SALL4: variants seen among roughly 807,000 people sequenced by gnomAD.
The protein encoded by SALL4 is sal-like protein 4.
SALL4 carries 4 observed loss-of-function variants against 60.8 expected under a neutral mutation model. That is an observed-to-expected ratio of 0.07 (90% CI 0.03 to 0.15). The LOEUF is 0.15. SALL4 is among the 10% of genes least tolerant of loss of function. The pLI is 1.00. For missense variants in SALL4, 1,178 were observed against 1,394.7 expected (o/e 0.84, Z 2.48); for synonymous variants, 580 against 574.9 (o/e 1.01, Z -0.13).
intron 1 of SALL4, among the ~76,000 whole-genome samples, chr20:51,800,430 C>G (rs1319123910): frequency 1.3e-5 from 2 of 152,232 alleles, no homozygotes; most frequent in Non-Finnish European, 2.9e-5. Flanking sequence ...CAGCGCACGG[C>G]CAGGCCCGAG....
chr20:51,799,371 T>A (rs1013188840), intron 1 of SALL4, among the ~76,000 whole-genome samples: 2 of 152,238 alleles, frequency 1.3e-5, no homozygotes, highest in Admixed American at 6.5e-5. Flanking sequence ...GATCCCATTC[T>A]AAAACCTGAC....
rs773547370 is a variant in SALL4, at chr20:51,784,258, T to C, written c.*7A>G. On this transcript the variant is annotated 3_prime_UTR_variant, in exon 4 of 4. Transcript: ENST00000217086. ...GTCTGCATTGCTCCTTCCACGCAAGTTCTCCCTTAGCTGACCGCAATCTTG... is the reference window on the plus strand; with the variant it reads ...GTCTGCATTGCTCCTTCCACGCAAGCTCTCCCTTAGCTGACCGCAATCTTG... The C allele has an allele frequency of 1.1e-5, 17 of 1,613,312 alleles. No homozygotes were observed. In the Admixed American group the frequency reaches 1.3e-4, roughly 13 times the overall value.
rs1192768058 is a variant in SALL4 at position 51,791,754 on chromosome 20, G to A, written c.729C>T (p.Ala243=). The change falls in exon 2 of 4, where the codon GCC becomes GCT. Residue 243 remains alanine, a synonymous_variant. Transcript: ENST00000217086. This position sits in a 1 kb window ranked among gnomAD's most constrained non-coding sequence, Gnocchi z 4.6. ...CCCCGCTTGAGTGGAGGGCGTGGGA[G>A]GCCCACATGTTCACCTGGATGCGGA... ...EQIRIQVNMW[A]SHALHSSGAG... 5.1e-5 allele frequency: 83 copies of A among 1,614,120 alleles called. No homozygotes were observed. Among genetic ancestry groups the A allele is most frequent in the Middle Eastern group, 1.6e-4 (1 of 6,062 alleles).
chr20:51,793,461 GA>G (rs201509631), intron 1 of SALL4, among the ~76,000 whole-genome samples: 1 of 151,402 alleles, frequency 6.6e-6, no homozygotes, highest in African/African-American at 2.4e-5. Flanking sequence ...ACCCTGTCTG[GA>G]AAAAAAAAGT....
rs188445314 is a variant in SALL4, at chr20:51,782,906, A to G, written c.*1359T>C. 1.4e-4 allele frequency: 22 copies of G among 152,320 alleles called. No individual in the cohort carries two copies. Among genetic ancestry groups the G allele is most frequent in the African/African-American group, 5.1e-4 (21 of 41,574 alleles). 9.4% of individuals were successfully genotyped at this position (152,320 alleles called of 1,614,324 possible). A position where few individuals can be genotyped will look rare whatever the true frequency, so the allele number is the denominator to read the frequency against. On this transcript the variant is annotated 3_prime_UTR_variant, in exon 4 of 4. Coordinates refer to ENST00000217086, the MANE Select transcript of SALL4 (RefSeq NM_020436.5). Reference sequence around the variant, plus strand: ...ATAGGAAAATAGACACTATGGCTACAAAAAATAAAAAATAAATGAGGTAGA... The same window carrying G: ...ATAGGAAAATAGACACTATGGCTACGAAAAATAAAAAATAAATGAGGTAGA...
At position 51,784,053 on chromosome 20, in the gene SALL4, A is replaced by ATTT; in HGVS notation, c.*209_*211dup. 1.8e-6 allele frequency: 1 copy of ATTT among 546,198 alleles called. No homozygotes were observed. The highest frequency in any genetic ancestry group is 3.2e-5 in the Admixed American group (1 of 31,368). The allele number at this position is 546,198 out of a possible 1,614,324, so 33.8% of individuals were successfully genotyped here. ...AGAGTCTGTATTTGTTTTGGTATGC[A>ATTT]TTTTTTTTTTATTTTTTCAACTTTT... On this transcript the variant is annotated 3_prime_UTR_variant, in exon 4 of 4. Transcript: ENST00000217086.
At chr20:51,789,939 T>G (rs1428263354) in intron 2 of SALL4, 83 bp downstream of exon 2, 10 of 1,562,268 alleles carry the variant, frequency 6.4e-6, no homozygotes, top group Non-Finnish European at 8.8e-6. Context: ...AGTCATACTC[T>G]CCGTTTGTAA....
At position 51,792,142 on chromosome 20, in the gene SALL4, T is replaced by C; in HGVS notation, c.341A>G (p.Asp114Gly). ...GTGGCTCAGTACAGCTCCGGAGAAG[T>C]CTTCTGAAGGCACAGGCCCCTCGCT... is the stretch of plus-strand genomic sequence containing the variant. ...NDSEGPVPSEDFSGAVLSHQP... is the reference protein window; with the variant it reads ...NDSEGPVPSEGFSGAVLSHQP... Residue 114 changes from aspartate to glycine, a missense_variant, in exon 2 of 4, where the codon GAC becomes GGC. By Grantham distance (94) the Asp-to-Gly change is moderately conservative. Coordinates refer to ENST00000217086, the MANE Select transcript of SALL4 (RefSeq NM_020436.5). 6.2e-7 allele frequency: 1 copy of C among 1,614,118 alleles called. No homozygotes were observed. The highest frequency in any genetic ancestry group is 8.5e-7 in the Non-Finnish European group (1 of 1,180,018).
chr20:51,792,136 G>C lies in SALL4; in HGVS notation c.347C>G (p.Ser116Cys). 1.2e-6 allele frequency: 2 copies of C among 1,614,186 alleles called. No individual in the cohort carries two copies. Among genetic ancestry groups the C allele is most frequent in the Non-Finnish European group, 1.7e-6 (2 of 1,180,042 alleles). ...GGGCTGGTGGCTCAGTACAGCTCCG[G>C]AGAAGTCTTCTGAAGGCACAGGCCC... is the stretch of plus-strand genomic sequence containing the variant. ...SEGPVPSEDFSGAVLSHQPTS... is the reference protein window; with the variant it reads ...SEGPVPSEDFCGAVLSHQPTS... Residue 116 changes from serine to cysteine, a missense_variant, in exon 2 of 4, where the codon TCC (serine) becomes TGC (cysteine). Coordinates refer to ENST00000217086, the MANE Select transcript of SALL4 (RefSeq NM_020436.5).
rs758458189 is a variant in SALL4, at chr20:51,791,353, G to A, written c.1130C>T (p.Ala377Val). 6.2e-6 allele frequency: 10 copies of A among 1,614,042 alleles called. No homozygotes were observed. Among genetic ancestry groups the A allele is most frequent in the African/African-American group, 1.3e-5 (1 of 74,928 alleles). Reference protein sequence around the residue: ...SAVDVKPKDEAALYKHKCKYC... With the variant: ...SAVDVKPKDEVALYKHKCKYC... ...CTTACACTTGTGCTTGTAGAGGGCC[G>A]CCTCGTCTTTGGGTTTGACATCCAC... is the stretch of plus-strand genomic sequence containing the variant. Residue 377 changes from alanine (A) to valine (V), a missense_variant, in exon 2 of 4, where the codon GCG becomes GTG. Physicochemically the swap from Ala to Val is moderately conservative, Grantham distance 64. Around this residue, in one of 5 missense-constraint regions of SALL4, gnomAD observed 853 missense variants for 1,036.8 expected, o/e 0.82. Transcript: ENST00000217086. This position sits in a 1 kb window ranked among gnomAD's most constrained non-coding sequence, Gnocchi z 4.6.
At chr20:51,794,213 T>C (rs114937266) in intron 1 of SALL4, among the ~76,000 whole-genome samples, 44 of 152,340 alleles carry the variant, frequency 2.9e-4, no homozygotes, top group African/African-American at 9.6e-4. Flanking sequence ...ATGAGCCCCA[T>C]TATCTTCCTA....
rs1409707892 is a variant in SALL4, at chr20:51,784,229, CTG to C, written c.*34_*35del. 1 of 1,609,020 alleles carries C rather than the reference CTG, an allele frequency of 6.2e-7. No individual in the cohort carries two copies. The highest frequency in any genetic ancestry group is 1.3e-5 in the African/African-American group (1 of 74,804). Reference sequence around the variant, plus strand: ...AACAAAGCAGATTCTAGAGATTTCACTGTGTCTGCATTGCTCCTTCCACGCAA... The same window carrying C: ...AACAAAGCAGATTCTAGAGATTTCACTGTCTGCATTGCTCCTTCCACGCAA... On this transcript the variant is annotated 3_prime_UTR_variant, in exon 4 of 4. Coordinates refer to ENST00000217086, the MANE Select transcript of SALL4 (RefSeq NM_020436.5).
chr20:51,790,666 T>G lies in SALL4; in HGVS notation c.1817A>C (p.Lys606Thr). The G allele has an allele frequency of 6.2e-7, 1 of 1,614,126 alleles. No homozygotes were observed. Among genetic ancestry groups the G allele is most frequent in the Admixed American group, 1.7e-5 (1 of 60,014 alleles). ...CKICGRAFST[K>T]GNLKTHLGVH... Reference sequence around the variant, plus strand: ...CCCAAGGTGTGTCTTCAGGTTACCTTTGGTAGAAAAGGCTCGGCCACAGAT... The same window carrying G: ...CCCAAGGTGTGTCTTCAGGTTACCTGTGGTAGAAAAGGCTCGGCCACAGAT... The change falls in exon 2 of 4, where the codon AAA becomes ACA. Residue 606 changes from lysine to threonine, a missense_variant. Lys to Thr is a moderately conservative substitution (Grantham distance 78). This residue lies in a region of SALL4 where 853 missense variants were observed against 1,036.8 expected (regional missense o/e 0.82). Transcript: ENST00000217086. The surrounding 1 kb of genome is among the most constrained non-coding windows in gnomAD (Gnocchi z 5.5).
Position 51,784,375 on chromosome 20 carries a change from C to T in SALL4, c.3052G>A (p.Gly1018Ser). The T allele has an allele frequency of 6.2e-7, 1 of 1,614,210 alleles. No homozygotes were observed. The highest frequency in any genetic ancestry group is 1.1e-5 in the South Asian group (1 of 91,080). ...VNNATVSKMDGSQSGISADVE... is the reference protein window; with the variant it reads ...VNNATVSKMDSSQSGISADVE... ...TCTGCACTGATACCCGACTGGGAGC[C>T]ATCCATCTTGGAGACAGTGGCGTTA... The change falls in exon 4 of 4, where the codon GGC becomes AGC. Residue 1018 changes from glycine (G) to serine (S), a missense_variant. Physicochemically the swap from Gly to Ser is moderately conservative, Grantham distance 56. Coordinates refer to ENST00000217086, the MANE Select transcript of SALL4 (RefSeq NM_020436.5).
At position 51,782,798 on chromosome 20, in the gene SALL4, C is replaced by T. The variant is rs1288708098; in HGVS notation, c.*1467G>A. ...ACAAAAAAAAAAGGCATCACAAAAT[C>T]ATCTTGAACGTTCACCTCTTCCCAC... On this transcript the variant is annotated 3_prime_UTR_variant, in exon 4 of 4. Transcript: ENST00000217086. 3 of 151,104 alleles carry T rather than the reference C, an allele frequency of 2.0e-5. No individual in the cohort carries two copies. The highest frequency in any genetic ancestry group is 7.3e-5 in the African/African-American group (3 of 41,244). The allele number at this position is 151,104 out of a possible 1,614,324, so 9.4% of individuals were successfully genotyped here.
intron 3 of SALL4, among the ~76,000 whole-genome samples, chr20:51,787,666 T>TA (rs940451978): frequency 2.7e-5 from 4 of 150,722 alleles, no homozygotes; most frequent in Non-Finnish European, 4.4e-5. Context: ...CTTTTTTTTT[T>TA]ATTTATATGA....
In SALL4 at chr20:51,791,113, T is replaced by C. The variant is rs749389297; in HGVS notation, c.1370A>G (p.Tyr457Cys). 2.2e-5 allele frequency: 36 copies of C among 1,613,902 alleles called. 1 individual carries two copies. The highest frequency in any genetic ancestry group is 2.7e-5 in the Non-Finnish European group (32 of 1,180,006). The change falls in exon 2 of 4, where the codon TAT (tyrosine) becomes TGT (cysteine). Residue 457 changes from tyrosine to cysteine, a missense_variant. Physicochemically the swap from Tyr to Cys is radical, Grantham distance 194 (BLOSUM62 -2). Coordinates refer to ENST00000217086, the MANE Select transcript of SALL4 (RefSeq NM_020436.5). This position sits in a 1 kb window ranked among gnomAD's most constrained non-coding sequence, Gnocchi z 4.6. The stretch of plus-strand genomic sequence containing the variant: ...TATGGGGTCAGGTACAGAGAGTGCA[T>C]AGGGGATGCCATTGCCGGCCGCCAC... ...DKVAAGNGIP[Y>C]ALSVPDPIDE...
chr20:51,786,946 G>T (rs6126342), intron 3 of SALL4, among the ~76,000 whole-genome samples: 49,228 of 151,738 alleles, frequency 0.32, 8,361 homozygotes, highest in East Asian at 0.58. Context: ...AATACAAACA[G>T]TAGCCGGGTA....
At position 51,790,500 on chromosome 20, in the gene SALL4, A is replaced by G; in HGVS notation, c.1983T>C (p.Asn661=). ...GCTCAGAACCCGTAAAGTCACAGGG[A>G]TTCTCTGGCAGGGGCGTGTTGGGAA... ...GQIPNTPLPE[N]PCDFTGSEPM... is the part of the protein sequence containing the mutation. Residue 661 remains asparagine, a synonymous_variant, in exon 2 of 4, where the codon AAT becomes AAC. Coordinates refer to ENST00000217086, the MANE Select transcript of SALL4 (RefSeq NM_020436.5). This position sits in a 1 kb window ranked among gnomAD's most constrained non-coding sequence, Gnocchi z 5.5. The G allele has an allele frequency of 6.2e-7, 1 of 1,614,046 alleles. No homozygotes were observed. The highest frequency in any genetic ancestry group is 8.5e-7 in the Non-Finnish European group (1 of 1,180,024).
Sources: gnomAD v4.1 joint callset for allele counts (sites outside exome capture counted in the v4.1 genomes callset) on GRCh38, gnomAD v4.1.1 for gene constraint, gnomAD v4.1.1 regional missense constraint, Gnocchi (gnomAD v3.1) non-coding constraint, MANE v1.5 for transcripts, NCBI Gene and HGNC (gene_info 2026-07-23, HGNC 2026-07-21) for gene names.